SLC35F1: variants seen among roughly 807,000 people sequenced by gnomAD.
SLC35F1 encodes the protein chromosome 6 open reading frame 169.
In SLC35F1, 14 loss-of-function variants were observed where a neutral mutation model predicts 48.7. The observed-to-expected ratio is 0.29, with a 90% CI of 0.19 to 0.45. SLC35F1 has a LOEUF of 0.45. Among genes scored for constraint, SLC35F1 ranks in the 20% least tolerant of loss-of-function variants. The pLI is 1.00. For synonymous variants in SLC35F1, 190 were observed against 202.2 expected (o/e 0.94, Z 0.51); for missense variants, 404 against 500.0 (o/e 0.81, Z 1.83).
chr6:118,113,550 T>C (rs1773438661), intron 1 of SLC35F1, among the ~76,000 whole-genome samples: 1 of 152,170 alleles, frequency 6.6e-6, no homozygotes, highest in African/African-American at 2.4e-5. Flanking sequence ...CCTCAAACTA[T>C]TCTAGAAATG....
chr6:118,222,089 A>G (rs919275413), intron 2 of SLC35F1, among the ~76,000 whole-genome samples: 1 of 152,130 alleles, frequency 6.6e-6, no homozygotes, highest in Non-Finnish European at 1.5e-5. Flanking sequence ...TTGTTGAAGA[A>G]ATAATCATTT....
chr6:118,143,988 T>C (rs1562303907), intron 1 of SLC35F1, among the ~76,000 whole-genome samples: 2 of 152,176 alleles, frequency 1.3e-5, no homozygotes, highest in African/African-American at 2.4e-5. Flanking sequence ...AAGCTAGTGA[T>C]TTAAAACTTA....
chr6:118,197,974 C>T (rs1003823491), intron 2 of SLC35F1, among the ~76,000 whole-genome samples: 1 of 152,068 alleles, frequency 6.6e-6, no homozygotes, highest in Non-Finnish European at 1.5e-5. Context: ...GAAAAATTTA[C>T]AGAGGAAAGA....
chr6:118,076,041 C>T (rs1772812825), intron 1 of SLC35F1, among the ~76,000 whole-genome samples: 1 of 152,012 alleles, frequency 6.6e-6, no homozygotes, highest in African/African-American at 2.4e-5. Flanking sequence ...CAAAAGCTTA[C>T]TGTGATTCTG....
chr6:118,163,672 C>T (rs1774274275), intron 2 of SLC35F1, among the ~76,000 whole-genome samples: 1 of 152,160 alleles, frequency 6.6e-6, no homozygotes, highest in African/African-American at 2.4e-5. Flanking sequence ...GCACGCAGCT[C>T]CATCTTTCAT....
intron 6 of SLC35F1, among the ~76,000 whole-genome samples, chr6:118,283,264 A>G (rs1271191376): frequency 6.6e-6 from 1 of 152,172 alleles, no homozygotes; most frequent in East Asian, 1.9e-4. Flanking sequence ...CACTCGAGGT[A>G]AATGCCACCT....
chr6:118,203,338 A>G (rs1774894463), intron 2 of SLC35F1, among the ~76,000 whole-genome samples: 2 of 152,214 alleles, frequency 1.3e-5, no homozygotes, highest in South Asian at 2.1e-4. Context: ...ATCAAAGGTC[A>G]TCTGTGTGAA....
At chr6:118,236,705 G>T (rs1240154325) in intron 3 of SLC35F1, among the ~76,000 whole-genome samples, 1 of 152,156 alleles carries the variant, frequency 6.6e-6, no homozygotes, top group African/African-American at 2.4e-5. Flanking sequence ...GAGCTTTTGT[G>T]GGATCAGATT....
intron 2 of SLC35F1, among the ~76,000 whole-genome samples, chr6:118,229,286 TTC>T (rs1409598540): frequency 1.3e-5 from 2 of 152,126 alleles, no homozygotes; most frequent in Non-Finnish European, 2.9e-5. Flanking sequence ...ACAGGAAAAA[TTC>T]TCTCATAGAC....
chr6:117,954,817 T>A (rs1776409220), intron 1 of SLC35F1, among the ~76,000 whole-genome samples: 1 of 152,226 alleles, frequency 6.6e-6, no homozygotes, highest in Non-Finnish European at 1.5e-5. Context: ...GTTCCCAGTT[T>A]TCTTGTCTAT....
chr6:117,995,385 C>T (rs1475622931), intron 1 of SLC35F1, among the ~76,000 whole-genome samples: 3 of 152,180 alleles, frequency 2.0e-5, no homozygotes, highest in Admixed American at 2.0e-4. Context: ...TCTTGTATAC[C>T]TGACACCTAG....
At chr6:117,940,653 T>TTG (rs370816426) in intron 1 of SLC35F1, among the ~76,000 whole-genome samples, 59 of 151,550 alleles carry the variant, frequency 3.9e-4, no homozygotes, top group African/African-American at 6.8e-4. Flanking sequence ...TTCTTTTTTT[T>TTG]TGTGTGTGTG....
At chr6:118,178,605 A>G (rs575041245) in intron 2 of SLC35F1, among the ~76,000 whole-genome samples, 80 of 152,198 alleles carry the variant, frequency 5.3e-4, no homozygotes, top group Middle Eastern at 3.4e-3. Context: ...CCACAAAACC[A>G]TGGATGTGGA....
chr6:117,961,701 G>T (rs1457806585), intron 1 of SLC35F1, among the ~76,000 whole-genome samples: 2 of 152,066 alleles, frequency 1.3e-5, no homozygotes, highest in Non-Finnish European at 2.9e-5. Context: ...TCTCACATTA[G>T]ATATACAATC....
At chr6:118,248,938 T>C (rs1484509193) in intron 3 of SLC35F1, among the ~76,000 whole-genome samples, 1 of 152,156 alleles carries the variant, frequency 6.6e-6, no homozygotes, top group Non-Finnish European at 1.5e-5. Flanking sequence ...CCATCCTGAA[T>C]GGTATTAGTG....
chr6:117,954,599 A>G (rs1776404055), intron 1 of SLC35F1, among the ~76,000 whole-genome samples: 2 of 152,160 alleles, frequency 1.3e-5, no homozygotes, highest in Non-Finnish European at 2.9e-5. Flanking sequence ...AATGCTACTT[A>G]ATCTAGACCT....
chr6:117,908,356 C>T, intron 1 of SLC35F1, among the ~76,000 whole-genome samples: 1 of 152,184 alleles, frequency 6.6e-6, no homozygotes, highest in Non-Finnish European at 1.5e-5. Flanking sequence ...CCCGCCCCGC[C>T]CGGGGGCTTC....
At chr6:118,027,078 G>C (rs1388928559) in intron 1 of SLC35F1, among the ~76,000 whole-genome samples, 1 of 152,090 alleles carries the variant, frequency 6.6e-6, no homozygotes, top group African/African-American at 2.4e-5. Context: ...TTTGTGTCTG[G>C]GTTCTTTTAC....
chr6:118,144,636 G>A (rs1054424811), intron 1 of SLC35F1, among the ~76,000 whole-genome samples: 1 of 149,824 alleles, frequency 6.7e-6, no homozygotes, highest in Admixed American at 6.6e-5. Context: ...ACCTTACCTT[G>A]TCAGTTGTCT....
Sources: allele counts gnomAD v4.1 joint callset (sites outside exome capture counted in the v4.1 genomes callset), GRCh38; gene constraint gnomAD v4.1.1; transcripts MANE v1.5; gene names NCBI Gene and HGNC (gene_info 2026-07-23, HGNC 2026-07-21).